Variants in E2F2 observed in about 807,000 individuals in gnomAD.
The protein encoded by E2F2 is transcription factor E2F2.
E2F2 carries 22 observed loss-of-function variants against 42.2 expected under a neutral mutation model. The observed-to-expected ratio is 0.52, with a 90% CI of 0.37 to 0.74. E2F2 has a LOEUF of 0.74. Among genes scored for constraint, E2F2 ranks in the 30% least tolerant of loss-of-function variants. The pLI is 0.00. For missense variants in E2F2, 481 were observed against 557.8 expected, an observed-to-expected ratio of 0.86 and a Z score of 1.39; for synonymous variants, 248 against 251.6, an observed-to-expected ratio of 0.99 and a Z score of 0.13.
At chr1:23,517,688 C>T (rs1189239250) in intron 5 of E2F2, among the ~76,000 whole-genome samples, 1 of 152,176 alleles carries the variant, frequency 6.6e-6, no homozygotes, top group African/African-American at 2.4e-5. Context: ...GTAATCATGC[C>T]AAATATACCT....
intron 1 of E2F2, among the ~76,000 whole-genome samples, chr1:23,528,627 C>T (rs996015156): frequency 3.3e-5 from 5 of 152,158 alleles, no homozygotes; most frequent in Admixed American, 2.0e-4. Flanking sequence ...AGATAATGAA[C>T]GTGAAGAGTG....
intron 3 of E2F2, 124 bp downstream of exon 3, chr1:23,521,713 T>A: frequency 6.7e-7 from 1 of 1,497,038 alleles, no homozygotes; most frequent in Non-Finnish European, 8.9e-7. Context: ...GCCTCAGCCC[T>A]TGTGCCCATT....
At chr1:23,526,576 A>G (rs1643253776) in intron 1 of E2F2, among the ~76,000 whole-genome samples, 1 of 152,132 alleles carries the variant, frequency 6.6e-6, no homozygotes, top group Non-Finnish European at 1.5e-5. Context: ...CTTGAACAGA[A>G]TATCTATGCT....
rs1460588696 is a variant in E2F2 at position 23,507,691 on chromosome 1, G to A, written c.*2189C>T. ...AGGTCTAGCCCCTTGGCCAGGCAAGGTGTGAAAGGGACAGTAGAGGGGGAC... is the reference window on the plus strand; with the variant it reads ...AGGTCTAGCCCCTTGGCCAGGCAAGATGTGAAAGGGACAGTAGAGGGGGAC... On this transcript the variant is annotated 3_prime_UTR_variant, in exon 7 of 7. Transcript: ENST00000361729. 6.6e-6 allele frequency: 1 copy of A among 152,414 alleles called. No individual in the cohort carries two copies. The highest frequency in any genetic ancestry group is 1.5e-5 in the Non-Finnish European group (1 of 68,216). The allele number at this position is 152,414 out of a possible 1,614,324, so 9.4% of individuals were successfully genotyped here.
chr1:23,515,764 T>C (rs1391433596), intron 6 of E2F2, among the ~76,000 whole-genome samples: 2 of 151,920 alleles, frequency 1.3e-5, no homozygotes, highest in Non-Finnish European at 2.9e-5. Context: ...TGCAGTGGCA[T>C]GATCAGAGCT....
intron 1 of E2F2, among the ~76,000 whole-genome samples, chr1:23,527,309 C>G (rs777279083): frequency 2.0e-5 from 3 of 152,236 alleles, no homozygotes; most frequent in Non-Finnish European, 2.9e-5. Context: ...GGGGAAAGTT[C>G]AAGGGTGAGC....
intron 1 of E2F2, among the ~76,000 whole-genome samples, chr1:23,526,842 C>T (rs2124267701): frequency 7.0e-6 from 1 of 143,720 alleles, no homozygotes; most frequent in East Asian, 2.4e-4. Context: ...CCCATCACTG[C>T]ATGTACTTGC....
chr1:23,522,966 A>G (rs1643181217), intron 2 of E2F2, among the ~76,000 whole-genome samples: 1 of 152,140 alleles, frequency 6.6e-6, no homozygotes, highest in African/African-American at 2.4e-5. Context: ...AGCCTTGACC[A>G]ATCAAATGTA....
rs563286112 is a variant in E2F2 at position 23,520,675 on chromosome 1, C to T, written c.737+238G>A. Among the ~76,000 whole-genome samples the T allele has an allele frequency of 1.3e-4, 20 of 152,138 alleles. No homozygotes were observed. In the East Asian group the frequency reaches 3.7e-3, roughly 28 times the overall value. ...GGAGGATCACTTGAACCCAGGAGGG[C>T]GAGGCTATAGCGAGCTATGATCATG... On this transcript the variant is annotated intron_variant, in intron 4 of 6. Transcript: ENST00000361729.
At chr1:23,521,806 G>A (rs375603576) in intron 3 of E2F2, 31 bp downstream of exon 3, 5 of 1,611,280 alleles carry the variant, frequency 3.1e-6, no homozygotes, top group South Asian at 1.1e-5. Flanking sequence ...AGTACCCATT[G>A]GAGGGTACCA....
intron 2 of E2F2, 43 bp from the exon 3 acceptor site, chr1:23,522,099 G>GCCCGC (rs1643162694): frequency 1.9e-6 from 3 of 1,586,422 alleles, no homozygotes; most frequent in Admixed American, 3.4e-5. Context: ...GGAGGGGAGG[G>GCCCGC]CCCGCCCAGG....
chr1:23,511,240 CTTT>C (rs943231231), intron 6 of E2F2, among the ~76,000 whole-genome samples: 2 of 145,896 alleles, frequency 1.4e-5, no homozygotes, highest in African/African-American at 5.0e-5. Flanking sequence ...TCGCCGCCTT[CTTT>C]TTTTTTTTTT....
At chr1:23,513,664 A>G (rs2282722) in intron 6 of E2F2, among the ~76,000 whole-genome samples, 1 of 151,080 alleles carries the variant, frequency 6.6e-6, no homozygotes, top group East Asian at 2.0e-4. Flanking sequence ...GTGAGCCAAG[A>G]CCAGGAAAAC....
chr1:23,522,099 G>GCCCGCC, intron 2 of E2F2, 43 bp from the exon 3 acceptor site: 1 of 1,586,540 alleles, frequency 6.3e-7, no homozygotes, highest in Non-Finnish European at 8.6e-7. Context: ...GGAGGGGAGG[G>GCCCGCC]CCCGCCCAGG....
chr1:23,513,583 T>C (rs1209264531), intron 6 of E2F2, among the ~76,000 whole-genome samples: 2 of 150,448 alleles, frequency 1.3e-5, no homozygotes, highest in African/African-American at 4.9e-5. Flanking sequence ...TGTGTGTGTG[T>C]GTGTGTGTGT....
intron 1 of E2F2, among the ~76,000 whole-genome samples, chr1:23,527,960 A>G (rs896267967): frequency 2.8e-4 from 43 of 152,236 alleles, no homozygotes; most frequent in African/African-American, 1.0e-3. Flanking sequence ...CCTGGCCAAC[A>G]TGGTGAAACC....
chr1:23,517,901 G>A (rs1483731866), intron 5 of E2F2, among the ~76,000 whole-genome samples: 1 of 152,194 alleles, frequency 6.6e-6, no homozygotes, highest in Non-Finnish European at 1.5e-5. Flanking sequence ...TAGGTGCGGT[G>A]GTTCACGCCT....
At chr1:23,517,897 C>CGGT (rs996482708) in intron 5 of E2F2, among the ~76,000 whole-genome samples, 5 of 152,142 alleles carry the variant, frequency 3.3e-5, no homozygotes, top group African/African-American at 1.2e-4. Context: ...CGGCTAGGTG[C>CGGT]GGTGGTTCAC....
chr1:23,514,117 C>T (rs1642968070), intron 6 of E2F2, among the ~76,000 whole-genome samples: 1 of 116,206 alleles, frequency 8.6e-6, no homozygotes, highest in Non-Finnish European at 1.9e-5. Flanking sequence ...GAGTGAGACT[C>T]TGTCTTAAAA....
Sources: allele counts gnomAD v4.1 joint callset (sites outside exome capture counted in the v4.1 genomes callset), GRCh38; gene constraint gnomAD v4.1.1; transcripts MANE v1.5; gene names NCBI Gene and HGNC (gene_info 2026-07-23, HGNC 2026-07-21).